The following DLG2 variants were observed in gnomAD, a reference collection of about 807,000 sequenced individuals.
The protein encoded by DLG2 is disks large homolog 2.
A neutral mutation model predicts 132.5 loss-of-function variants in DLG2; 45 were observed. The observed-to-expected ratio is 0.34, with a 90% confidence interval of 0.27 to 0.44. DLG2 has a LOEUF of 0.44. Among genes scored for constraint, DLG2 ranks in the 20% least tolerant of loss-of-function variants. The pLI is 1.00. For missense variants in DLG2, 1,045 were observed against 1,196.9 expected, an observed-to-expected ratio of 0.87 and a Z score of 1.87; for synonymous variants, 424 against 419.6, an observed-to-expected ratio of 1.01 and a Z score of -0.13.
intron 6 of DLG2, among the ~76,000 whole-genome samples, chr11:84,736,248 C>T (rs2063813249): frequency 2.0e-5 from 3 of 151,694 alleles, no homozygotes; most frequent in South Asian, 4.2e-4. Flanking sequence ...ATCTTTCCAC[C>T]AATACTATAT....
At chr11:84,318,646 G>A (rs1486867346) in intron 7 of DLG2, among the ~76,000 whole-genome samples, 2 of 152,174 alleles carry the variant, frequency 1.3e-5, no homozygotes, top group Admixed American at 1.3e-4. Flanking sequence ...TTGAAAGTAA[G>A]GAGTAGGATC....
In DLG2 at chr11:85,292,272, TA is replaced by T. The variant is rs536061179; in HGVS notation, c.41-6908del. Among the ~76,000 whole-genome samples, 293 of 152,232 alleles carry T rather than the reference TA, an allele frequency of 1.9e-3. 1 individual carries two copies. Among genetic ancestry groups the T allele is most frequent in the Non-Finnish European group, 3.1e-3 (212 of 68,002 alleles). On this transcript the variant is annotated intron_variant, in intron 3 of 27. Transcript: ENST00000376104. The stretch of plus-strand genomic sequence containing the variant: ...TTCAATAAAGCCTTTATCAGTGTGG[TA>T]AACGTCCTATCTTAGGCTTTGTACC...
Position 85,335,903 on chromosome 11 carries a change from C to T in DLG2, c.41-50538G>A, listed in dbSNP as rs1213900327. 2.6e-5 allele frequency among the ~76,000 whole-genome samples: 4 copies of T among 152,120 alleles called. No individual in the cohort carries two copies. The East Asian group carries it at 7.7e-4, about 29-fold the overall frequency. ...GGTATGTGTACACCTATGTAACAAACCTGCATGTTCTGCACATGTACCCCA... is the reference window on the plus strand; with the variant it reads ...GGTATGTGTACACCTATGTAACAAATCTGCATGTTCTGCACATGTACCCCA... On this transcript the variant is annotated intron_variant, in intron 3 of 27. Transcript: ENST00000376104.
At chr11:83,667,495 T>A (rs545940389) in intron 18 of DLG2, among the ~76,000 whole-genome samples, 1 of 152,336 alleles carries the variant, frequency 6.6e-6, no homozygotes, top group South Asian at 2.1e-4. Context: ...AGGAATTTCA[T>A]GTGAGCTTCA....
At chr11:84,708,817 A>G (rs1228031560) in intron 6 of DLG2, among the ~76,000 whole-genome samples, 1 of 151,926 alleles carries the variant, frequency 6.6e-6, no homozygotes, top group Non-Finnish European at 1.5e-5. Context: ...TCATTTTACA[A>G]AATTCAAAAA....
intron 3 of DLG2, among the ~76,000 whole-genome samples, chr11:85,320,051 C>A (rs893295540): frequency 1.3e-5 from 2 of 151,812 alleles, no homozygotes; most frequent in African/African-American, 4.8e-5. Context: ...CTCTTTGAGC[C>A]TCTCATATAT....
intron 7 of DLG2, among the ~76,000 whole-genome samples, chr11:84,307,456 G>T (rs570895481): frequency 1.3e-5 from 2 of 152,206 alleles, no homozygotes; most frequent in South Asian, 2.1e-4. Flanking sequence ...GAATGAAGCC[G>T]CAGGCCAAGG....
At chr11:84,597,627 C>A (rs1208779646) in intron 6 of DLG2, among the ~76,000 whole-genome samples, 3 of 152,048 alleles carry the variant, frequency 2.0e-5, no homozygotes, top group African/African-American at 7.2e-5. Context: ...GCAGTGGCAA[C>A]CATGAACCAT....
In DLG2 at chr11:84,405,015, T is replaced by C. The variant is rs553553184; in HGVS notation, c.519+129555A>G. On this transcript the variant is annotated intron_variant, in intron 7 of 27. Coordinates refer to ENST00000376104, the MANE Select transcript of DLG2 (RefSeq NM_001142699.3). The stretch of plus-strand genomic sequence containing the variant: ...TAATAGGGAAAAGGGACAATGTTGA[T>C]ATGTAACACCCAGGTTCAAAGGAAA... Among the ~76,000 whole-genome samples, 8 of 152,300 alleles carry C rather than the reference T, an allele frequency of 5.3e-5. No homozygotes were observed. The South Asian group carries it at 1.2e-3, about 24-fold the overall frequency.
chr11:85,331,651 T>C (rs1425810185), intron 3 of DLG2, among the ~76,000 whole-genome samples: 1 of 152,180 alleles, frequency 6.6e-6, no homozygotes, highest in Non-Finnish European at 1.5e-5. Context: ...CCCCGGTGGC[T>C]ATGATTCCCC....
intron 16 of DLG2, among the ~76,000 whole-genome samples, chr11:83,839,508 T>A (rs1377550166): frequency 6.6e-6 from 1 of 152,212 alleles, no homozygotes; most frequent in Admixed American, 6.5e-5. Flanking sequence ...ATTTTACCGA[T>A]GCTTAGGTAA....
intron 17 of DLG2, among the ~76,000 whole-genome samples, chr11:83,792,387 T>A (rs1014659942): frequency 2.0e-5 from 3 of 152,134 alleles, no homozygotes; most frequent in African/African-American, 7.2e-5. Context: ...TGTACTGATA[T>A]GAAAAATAAA....
intron 4 of DLG2, among the ~76,000 whole-genome samples, chr11:85,230,351 T>A (rs756837115): frequency 2.0e-4 from 28 of 138,714 alleles, no homozygotes; most frequent in Non-Finnish European, 2.9e-4. Flanking sequence ...TTGTATTATT[T>A]CCTTTTATTC....
chr11:85,287,875 G>C (rs550561661), intron 3 of DLG2, among the ~76,000 whole-genome samples: 69 of 152,160 alleles, frequency 4.5e-4, no homozygotes, highest in African/African-American at 1.5e-3. Flanking sequence ...AAAGCAAGTT[G>C]CAATATGAAA....
At chr11:84,532,686 A>G (rs1327138531) in intron 7 of DLG2, among the ~76,000 whole-genome samples, 1 of 152,094 alleles carries the variant, frequency 6.6e-6, no homozygotes, top group Admixed American at 6.6e-5. Context: ...TTGCAGAGAC[A>G]AGGTCTTGCC....
chr11:85,066,664 C>T (rs1386329724), intron 6 of DLG2, among the ~76,000 whole-genome samples: 1 of 151,464 alleles, frequency 6.6e-6, no homozygotes, highest in Admixed American at 6.6e-5. Flanking sequence ...TGTGATTCAC[C>T]ACATAAACAA....
chr11:84,834,526 A>C (rs948119942), intron 6 of DLG2, among the ~76,000 whole-genome samples: 1 of 151,578 alleles, frequency 6.6e-6, no homozygotes, highest in South Asian at 2.1e-4. Context: ...TGAACCTATT[A>C]GGCAGGCAGA....
intron 8 of DLG2, among the ~76,000 whole-genome samples, chr11:84,196,188 A>C (rs2154295168): frequency 6.6e-6 from 1 of 152,322 alleles, no homozygotes; most frequent in South Asian, 2.1e-4. Context: ...CCCAGCATTA[A>C]ATAAGTGTCG....
At chr11:84,208,262 C>T (rs915480939) in intron 8 of DLG2, among the ~76,000 whole-genome samples, 6 of 151,958 alleles carry the variant, frequency 3.9e-5, no homozygotes, top group African/African-American at 1.2e-4. Context: ...GTAACACAAC[C>T]GACTTTGGTG....
Sources: gnomAD v4.1 joint callset for allele counts (sites outside exome capture counted in the v4.1 genomes callset) on GRCh38, gnomAD v4.1.1 for gene constraint, MANE v1.5 for transcripts, NCBI Gene and HGNC (gene_info 2026-07-23, HGNC 2026-07-21) for gene names.